The following MATCAP2 variants were observed in gnomAD, a reference collection of about 807,000 sequenced individuals.
MATCAP2 encodes microtubule associated tyrosine carboxypeptidase 2.
the MATCAP2 span, among the ~76,000 whole-genome samples, chr7:36,353,743 A>G: frequency 6.6e-6 from 1 of 152,138 alleles, no homozygotes; most frequent in Non-Finnish European, 1.5e-5. Context: ...GGACTCCCAA[A>G]GTGCTGGGAT....
the MATCAP2 span, among the ~76,000 whole-genome samples, chr7:36,377,362 C>T: frequency 1.3e-5 from 2 of 152,266 alleles, no homozygotes; most frequent in Admixed American, 1.3e-4. Context: ...ACTTATGAAG[C>T]TTAGTTTGGC....
At chr7:36,367,192 C>A in the MATCAP2 span, 5 of 1,188,974 alleles carry the variant, frequency 4.2e-6, no homozygotes, top group East Asian at 7.2e-5. Context: ...CCCAGCAGCG[C>A]TTAGAACCTG....
the MATCAP2 span, among the ~76,000 whole-genome samples, chr7:36,386,370 G>A: frequency 6.6e-6 from 1 of 151,950 alleles, no homozygotes; most frequent in Non-Finnish European, 1.5e-5. Context: ...CTCAGGGTAT[G>A]GAAGGATTTC....
At chr7:36,339,934 G>A in the MATCAP2 span, among the ~76,000 whole-genome samples, 1 of 152,146 alleles carries the variant, frequency 6.6e-6, no homozygotes, top group South Asian at 2.1e-4. Context: ...CACCTTCCAG[G>A]TGTTGCCCAG....
At chr7:36,373,544 G>A in the MATCAP2 span, among the ~76,000 whole-genome samples, 1 of 152,148 alleles carries the variant, frequency 6.6e-6, no homozygotes, top group South Asian at 2.1e-4. Flanking sequence ...GTAAGCTGGG[G>A]GAAAGCGGGT....
At chr7:36,337,123 A>AAAAAAAAAAAAAAAAAAACAAAAAC in the MATCAP2 span, among the ~76,000 whole-genome samples, 1 of 145,484 alleles carries the variant, frequency 6.9e-6, no homozygotes, top group Non-Finnish European at 1.5e-5. Flanking sequence ...AAAAAAAAAA[A>AAAAAAAAAAAAAAAAAAACAAAAAC]AAGCAATCAG....
chr7:36,351,675 C>T, the MATCAP2 span, among the ~76,000 whole-genome samples: 1 of 151,716 alleles, frequency 6.6e-6, no homozygotes, highest in African/African-American at 2.4e-5. Context: ...GGCCAGGTGT[C>T]GTGGCTCATG....
the MATCAP2 span, chr7:36,355,168 A>C: frequency 2.0e-5 from 3 of 152,238 alleles, no homozygotes; most frequent in African/African-American, 7.2e-5. Context: ...AACCACATGT[A>C]AGAATGGCTG....
At chr7:36,364,546 G>A in the MATCAP2 span, among the ~76,000 whole-genome samples, 4 of 152,040 alleles carry the variant, frequency 2.6e-5, no homozygotes, top group Non-Finnish European at 5.9e-5. Context: ...CTTCATTCCT[G>A]AAATATAAAA....
At chr7:36,360,206 G>A in the MATCAP2 span, among the ~76,000 whole-genome samples, 6 of 152,110 alleles carry the variant, frequency 3.9e-5, 1 homozygote, top group African/African-American at 9.6e-5. Flanking sequence ...GTAGCTTTAC[G>A]ACCAAAGAAC....
At chr7:36,329,184 T>C in the MATCAP2 span, among the ~76,000 whole-genome samples, 1 of 152,238 alleles carries the variant, frequency 6.6e-6, no homozygotes, top group African/African-American at 2.4e-5. Flanking sequence ...GGTTTGTTGA[T>C]ATTGGTATGG....
the MATCAP2 span, among the ~76,000 whole-genome samples, chr7:36,329,475 A>G: frequency 6.6e-6 from 1 of 152,214 alleles, no homozygotes; most frequent in Admixed American, 6.5e-5. Context: ...TTAAAAGGAA[A>G]CAAGACTTCA....
the MATCAP2 span, among the ~76,000 whole-genome samples, chr7:36,332,901 T>C: frequency 1.8e-4 from 27 of 152,248 alleles, no homozygotes; most frequent in East Asian, 5.0e-3. Context: ...TACTCCAGAC[T>C]AGGTGATAAG....
At chr7:36,367,238 A>T in the MATCAP2 span, 56 of 1,101,924 alleles carry the variant, frequency 5.1e-5, no homozygotes, top group African/African-American at 8.2e-4. Context: ...GTTGCTAGGA[A>T]ACTGCCCCCG....
the MATCAP2 span, among the ~76,000 whole-genome samples, chr7:36,336,529 C>T: frequency 6.6e-6 from 1 of 152,100 alleles, no homozygotes; most frequent in Non-Finnish European, 1.5e-5. Context: ...TTCATTTCTC[C>T]TTAACATGCT....
At chr7:36,325,496 T>C in the MATCAP2 span, 1 of 152,336 alleles carries the variant, frequency 6.6e-6, no homozygotes, top group East Asian at 1.9e-4. Context: ...ACAGTATATA[T>C]CTACCAGTAT....
At chr7:36,336,063 T>C in the MATCAP2 span, 64 of 993,242 alleles carry the variant, frequency 6.4e-5, 1 homozygote, top group South Asian at 1.4e-3. Flanking sequence ...AGAGCGAGAC[T>C]CCATTTCAAA....
chr7:36,383,624 G>A, the MATCAP2 span, among the ~76,000 whole-genome samples: 2 of 152,128 alleles, frequency 1.3e-5, no homozygotes, highest in Non-Finnish European at 2.9e-5. Context: ...GAGAATGCAT[G>A]GACACAGGGA....
At chr7:36,354,108 C>A in the MATCAP2 span, among the ~76,000 whole-genome samples, 1 of 152,184 alleles carries the variant, frequency 6.6e-6, no homozygotes, top group Non-Finnish European at 1.5e-5. Context: ...CAAGTTTAAA[C>A]GTCTCTAAGA....
Sources: allele counts gnomAD v4.1 joint callset (sites outside exome capture counted in the v4.1 genomes callset), GRCh38; gene constraint gnomAD v4.1.1; transcripts MANE v1.5; gene names NCBI Gene and HGNC (gene_info 2026-07-23, HGNC 2026-07-21).